Variants in GNL3L observed in about 807,000 individuals in gnomAD.
GNL3L encodes the protein guanine nucleotide-binding protein-like 3-like protein.
A neutral mutation model predicts 42.9 loss-of-function variants in GNL3L; 4 were observed. That is an observed-to-expected ratio of 0.09 (90% CI 0.05 to 0.21). The LOEUF is 0.21. Ranked by LOEUF, GNL3L falls within the 10% of genes least tolerant of loss-of-function variation. GNL3L has a pLI of 1.00. For synonymous variants in GNL3L, 159 were observed against 176.3 expected (o/e 0.90, Z 0.78); for missense variants, 412 against 481.7 (o/e 0.86, Z 1.36).
At position 54,565,024 on chromosome X, in the gene GNL3L, C is replaced by T. The variant is rs752972702; in HGVS notation, c.*4422C>T. On this transcript the variant is annotated 3_prime_UTR_variant, in exon 16 of 16. Transcript: ENST00000360845. The stretch of plus-strand genomic sequence containing the variant: ...TGCTGGGATTATAGGCATGAACCAC[C>T]GTGTCCGGCCATATATTTTCGTCTT... Among the ~76,000 whole-genome samples the T allele has an allele frequency of 2.7e-5, 3 of 110,878 alleles. No individual in the cohort carries two copies. The highest frequency in any genetic ancestry group is 7.6e-4 in the South Asian group (2 of 2,642).
intron 15 of GNL3L, among the ~76,000 whole-genome samples, chrX:54,559,425 T>TA (rs1469440176): frequency 1.8e-5 from 2 of 111,999 alleles, no homozygotes; most frequent in Non-Finnish European, 3.8e-5. Context: ...GTCAGCCAGT[T>TA]AGTTTATTGT....
At chrX:54,623,431 A>C (rs1401915418), downstream of GNL3L, among the ~76,000 whole-genome samples, 2 of 110,846 alleles carry the variant, frequency 1.8e-5, no homozygotes, top group African/African-American at 6.6e-5. Flanking sequence ...CACCCGGCTA[A>C]TTTTTGTATT....
intron 16 of GNL3L, among the ~76,000 whole-genome samples, chrX:54,606,728 C>T: frequency 9.3e-6 from 1 of 107,611 alleles, no homozygotes; most frequent in Non-Finnish European, 1.9e-5. Context: ...GTAGTCTCTG[C>T]CTCCTGGGCT....
the GNL3L span, among the ~76,000 whole-genome samples, chrX:54,638,531 G>A: frequency 6.3e-5 from 7 of 110,919 alleles, no homozygotes; most frequent in East Asian, 2.9e-4. Flanking sequence ...GTGCAGTGGC[G>A]CAATCTCCGG....
At chrX:54,552,947 T>A (rs749132020) in intron 13 of GNL3L, among the ~76,000 whole-genome samples, 1 of 112,081 alleles carries the variant, frequency 8.9e-6, no homozygotes, top group Non-Finnish European at 1.9e-5. Context: ...AGGAGCTGGG[T>A]GTCCAAAAGT....
At chrX:54,627,091 C>A in the GNL3L span, among the ~76,000 whole-genome samples, 10 of 110,826 alleles carry the variant, frequency 9.0e-5, no homozygotes, top group Non-Finnish European at 1.9e-4. Flanking sequence ...TCACTGCAAC[C>A]TCCACCTCCT....
chrX:54,619,710 G>T (rs908926832), intron 16 of GNL3L, among the ~76,000 whole-genome samples: 6 of 110,927 alleles, frequency 5.4e-5, no homozygotes, highest in African/African-American at 1.6e-4. Flanking sequence ...CTGAGGTAGA[G>T]ATATGATATG....
chrX:54,586,480 C>T (rs1925783701), intron 16 of GNL3L, among the ~76,000 whole-genome samples: 2 of 112,031 alleles, frequency 1.8e-5, no homozygotes, highest in African/African-American at 6.5e-5. Context: ...CAATCCTGCA[C>T]CCACTGCAGA....
At chrX:54,587,201 A>C (rs1275356286) in intron 16 of GNL3L, among the ~76,000 whole-genome samples, 1 of 112,236 alleles carries the variant, frequency 8.9e-6, no homozygotes, top group Non-Finnish European at 1.9e-5. Flanking sequence ...CATGGAGCCC[A>C]AGGACAGGCA....
chrX:54,554,319 C>G (rs771936303), intron 13 of GNL3L, among the ~76,000 whole-genome samples: 17 of 111,773 alleles, frequency 1.5e-4, no homozygotes, highest in African/African-American at 5.2e-4. Context: ...GTGAAGAGGG[C>G]TTGTGGAATT....
At chrX:54,645,486 A>G in the GNL3L span, among the ~76,000 whole-genome samples, 2 of 112,325 alleles carry the variant, frequency 1.8e-5, no homozygotes, top group East Asian at 5.6e-4. Flanking sequence ...TATTAGTACA[A>G]TGAATTATGT....
intron 16 of GNL3L, among the ~76,000 whole-genome samples, chrX:54,605,361 A>G (rs1926047299): frequency 9.0e-6 from 1 of 111,659 alleles, no homozygotes; most frequent in African/African-American, 3.3e-5. Flanking sequence ...CCCTTTGTCC[A>G]ACCAAATCCT....
intron 16 of GNL3L, among the ~76,000 whole-genome samples, chrX:54,572,481 C>T (rs201078021): frequency 5.4e-5 from 6 of 112,075 alleles, no homozygotes; most frequent in Non-Finnish European, 7.5e-5. Flanking sequence ...TCCACAAAGC[C>T]GCCATTGTCA....
intron 16 of GNL3L, among the ~76,000 whole-genome samples, chrX:54,578,586 TC>T (rs1434914526): frequency 2.7e-5 from 3 of 112,431 alleles, no homozygotes; most frequent in Non-Finnish European, 5.6e-5. Flanking sequence ...TTGTTTAGCT[TC>T]TTTCACTTAG....
rs894733458 is a variant in GNL3L, at chrX:54,580,635, A to G, written c.*45+19988A>G. 4.5e-5 allele frequency among the ~76,000 whole-genome samples: 5 copies of G among 111,148 alleles called. No individual in the cohort carries two copies. The East Asian group carries it at 8.6e-4, about 19-fold the overall frequency. ...CCACCAACAGTGTAAAAGTGTTCCT[A>G]CTTCTCCACATCCTCTCCAGCACCT... On this transcript the variant is annotated intron_variant, in intron 16 of 16. Coordinates refer to the GNL3L transcript ENST00000674498.
chrX:54,556,757 C>A (rs1925108347), intron 14 of GNL3L, among the ~76,000 whole-genome samples: 2 of 111,912 alleles, frequency 1.8e-5, no homozygotes, highest in South Asian at 7.5e-4. Context: ...CCCTCCCCAT[C>A]AGTAGTATGT....
chrX:54,533,651 C>T (rs1300155323), intron 2 of GNL3L, among the ~76,000 whole-genome samples: 8 of 110,545 alleles, frequency 7.2e-5, no homozygotes, highest in South Asian at 3.8e-4. Context: ...CCAGTAGAGA[C>T]GGGGTTTTGC....
chrX:54,618,625 G>T (rs1351613547), intron 16 of GNL3L, among the ~76,000 whole-genome samples: 6 of 111,723 alleles, frequency 5.4e-5, no homozygotes, highest in Non-Finnish European at 5.6e-5. Context: ...GGCTGGGCAT[G>T]GTGGCTCATA....
At chrX:54,609,053 G>A (rs2147533017) in intron 16 of GNL3L, among the ~76,000 whole-genome samples, 2 of 112,092 alleles carry the variant, frequency 1.8e-5, no homozygotes, top group South Asian at 3.7e-4. Flanking sequence ...CATTCTTGCA[G>A]GAGTAAGGCA....
Sources: gnomAD v4.1 joint callset for allele counts (sites outside exome capture counted in the v4.1 genomes callset) on GRCh38, gnomAD v4.1.1 for gene constraint, MANE v1.5 for transcripts, NCBI Gene and HGNC (gene_info 2026-07-23, HGNC 2026-07-21) for gene names.